FER: variants seen among roughly 807,000 people sequenced by gnomAD.
FER encodes the protein tyrosine-protein kinase Fer.
In FER, 63 loss-of-function variants were observed where a neutral mutation model predicts 111.0. The observed-to-expected ratio is 0.57, with a 90% CI of 0.46 to 0.70. The LOEUF is 0.70. Ranked by LOEUF, FER falls within the 30% of genes least tolerant of loss-of-function variation. The probability of loss-of-function intolerance (pLI) is 0.00; values close to 1 mark genes in which losing one functional copy is unlikely to be tolerated. For synonymous variants in FER, 327 were observed against 313.9 expected, an observed-to-expected ratio of 1.04 and a Z score of -0.44; for missense variants, 914 against 954.0, an observed-to-expected ratio of 0.96 and a Z score of 0.55.
intron 1 of FER, among the ~76,000 whole-genome samples, chr5:108,752,327 C>T (rs946018448): frequency 3.9e-5 from 6 of 152,008 alleles, no homozygotes; most frequent in Admixed American, 3.9e-4. Context: ...TGAAGTCACT[C>T]ATCATTCTAC....
chr5:108,749,895 ATG>A (rs1561360539), intron 1 of FER, among the ~76,000 whole-genome samples: 4 of 152,328 alleles, frequency 2.6e-5, no homozygotes, highest in African/African-American at 9.6e-5. Context: ...GGATTGTACT[ATG>A]AGGTGGGCAC....
chr5:109,109,896 G>A (rs558480151), intron 17 of FER, among the ~76,000 whole-genome samples: 1 of 152,214 alleles, frequency 6.6e-6, no homozygotes, highest in African/African-American at 2.4e-5. Flanking sequence ...CTCCCATTCA[G>A]GGTGTACTTA....
chr5:109,133,669 T>G (rs182711428), intron 17 of FER, among the ~76,000 whole-genome samples: 4 of 152,210 alleles, frequency 2.6e-5, no homozygotes, highest in East Asian at 1.9e-4. Context: ...CAAGAAAAAT[T>G]TGTTATCTGT....
chr5:108,892,014 C>A (rs1303085000), intron 9 of FER, among the ~76,000 whole-genome samples: 1 of 152,124 alleles, frequency 6.6e-6, no homozygotes, highest in Non-Finnish European at 1.5e-5. Context: ...TTTATGGCTG[C>A]ATAGTATTTC....
rs971075865 is a variant in FER, at chr5:109,137,499, G to T, written c.2048+36980G>T. On this transcript the variant is annotated intron_variant, in intron 17 of 19. Coordinates refer to ENST00000281092, the MANE Select transcript of FER (RefSeq NM_005246.4). ...ATTTTAGAAACTTGGGGAACTATAA[G>T]AAGTAGGGCAAGACTGGCTTCCAAT... 3.9e-5 allele frequency among the ~76,000 whole-genome samples: 6 copies of T among 152,326 alleles called. 1 individual carries two copies. The highest frequency in any genetic ancestry group is 1.4e-4 in the African/African-American group (6 of 41,586).
At chr5:109,003,362 A>C (rs1765062593) in intron 13 of FER, among the ~76,000 whole-genome samples, 1 of 152,166 alleles carries the variant, frequency 6.6e-6, no homozygotes, top group Non-Finnish European at 1.5e-5. Flanking sequence ...AGACTATCAC[A>C]AGGACAAAAA....
chr5:109,003,582 G>A (rs962360727), intron 13 of FER, among the ~76,000 whole-genome samples: 11 of 151,928 alleles, frequency 7.2e-5, no homozygotes, highest in African/African-American at 1.9e-4. Flanking sequence ...AAACCTGCAC[G>A]TAGTGCACAT....
chr5:109,112,490 G>A (rs1381220514), intron 17 of FER, among the ~76,000 whole-genome samples: 2 of 152,108 alleles, frequency 1.3e-5, no homozygotes, highest in East Asian at 1.9e-4. Context: ...TCATCTCAGT[G>A]GGCCTTCCCT....
chr5:108,940,405 C>T (rs1406896864), intron 10 of FER, among the ~76,000 whole-genome samples: 1 of 152,038 alleles, frequency 6.6e-6, no homozygotes, highest in Non-Finnish European at 1.5e-5. Flanking sequence ...TGGAAAGTCA[C>T]AAGAGACCAT....
At chr5:109,106,742 C>T (rs1748980488) in intron 17 of FER, among the ~76,000 whole-genome samples, 1 of 152,016 alleles carries the variant, frequency 6.6e-6, no homozygotes, top group African/African-American at 2.4e-5. Flanking sequence ...AAAAATTTCC[C>T]ACCACTAGTT....
chr5:108,827,743 C>A (rs1186632322), intron 3 of FER, among the ~76,000 whole-genome samples: 1 of 150,652 alleles, frequency 6.6e-6, no homozygotes, highest in Non-Finnish European at 1.5e-5. Flanking sequence ...GTTTTGTCCC[C>A]TCTCTGATTT....
chr5:109,070,259 T>C (rs1486451057), intron 16 of FER, among the ~76,000 whole-genome samples: 3 of 152,010 alleles, frequency 2.0e-5, no homozygotes, highest in Non-Finnish European at 4.4e-5. Flanking sequence ...CACTTGGTCA[T>C]ATAAATGAAA....
At chr5:109,111,513 C>T (rs1029671483) in intron 17 of FER, among the ~76,000 whole-genome samples, 13 of 150,112 alleles carry the variant, frequency 8.7e-5, no homozygotes, top group Non-Finnish European at 5.9e-5. Context: ...ATCACAATTG[C>T]TTTTGCATCA....
chr5:108,933,379 G>T (rs1386801680), intron 10 of FER, among the ~76,000 whole-genome samples: 2 of 152,090 alleles, frequency 1.3e-5, no homozygotes, highest in African/African-American at 4.8e-5. Context: ...GTTTTTGTTA[G>T]ATTTGTCAAA....
intron 1 of FER, among the ~76,000 whole-genome samples, chr5:108,754,761 A>G (rs1250120196): frequency 2.0e-5 from 3 of 152,192 alleles, no homozygotes; most frequent in East Asian, 3.8e-4. Flanking sequence ...GGCTATTTCT[A>G]TATTGGGACT....
At chr5:108,871,080 A>T (rs1764552403) in intron 6 of FER, among the ~76,000 whole-genome samples, 1 of 151,996 alleles carries the variant, frequency 6.6e-6, no homozygotes, top group South Asian at 2.1e-4. Flanking sequence ...AAAGTTATCA[A>T]CTCTGGCCCT....
At chr5:109,165,596 GT>G (rs1756455102) in intron 17 of FER, among the ~76,000 whole-genome samples, 3 of 47,282 alleles carry the variant, frequency 6.3e-5, no homozygotes, top group African/African-American at 2.4e-4. Flanking sequence ...GGGAACTGGT[GT>G]GTGTGTGTGT....
chr5:109,167,557 T>A (rs147764865), intron 17 of FER, among the ~76,000 whole-genome samples: 183 of 152,308 alleles, frequency 1.2e-3, no homozygotes, highest in African/African-American at 4.4e-3. Flanking sequence ...GTATTTAAGG[T>A]CAGATTCATT....
intron 2 of FER, among the ~76,000 whole-genome samples, chr5:108,786,594 G>A (rs1006593397): frequency 5.9e-5 from 9 of 152,030 alleles, no homozygotes; most frequent in Admixed American, 2.0e-4. Context: ...TCTGCCTCCC[G>A]GGTTCAAGTC....
Sources: gnomAD v4.1 joint callset for allele counts (sites outside exome capture counted in the v4.1 genomes callset) on GRCh38, gnomAD v4.1.1 for gene constraint, MANE v1.5 for transcripts, NCBI Gene and HGNC (gene_info 2026-07-23, HGNC 2026-07-21) for gene names.